The following KCND3 variants were observed in gnomAD, a reference collection of about 807,000 sequenced individuals.
The protein encoded by KCND3 is A-type voltage-gated potassium channel KCND3.
KCND3 carries 9 observed loss-of-function variants against 51.1 expected under a neutral mutation model. The observed-to-expected ratio is 0.18, with a 90% CI of 0.11 to 0.31. The LOEUF is 0.31. KCND3 is among the 10% of genes least tolerant of loss of function. The pLI is 1.00. For missense variants in KCND3, 526 were observed against 903.8 expected (o/e 0.58, Z 5.36); for synonymous variants, 349 against 368.0 (o/e 0.95, Z 0.59).
chr1:111,922,264 A>G (rs967105730), intron 2 of KCND3, among the ~76,000 whole-genome samples: 17 of 152,210 alleles, frequency 1.1e-4, no homozygotes, highest in South Asian at 2.1e-4. Context: ...CTTGGACTCA[A>G]GGTAAAACTG....
At chr1:111,950,719 G>A (rs890574987) in intron 2 of KCND3, among the ~76,000 whole-genome samples, 3 of 152,332 alleles carry the variant, frequency 2.0e-5, no homozygotes, top group African/African-American at 7.2e-5. Context: ...GTCTAAGGAA[G>A]AGCCCTTCCT....
intron 2 of KCND3, among the ~76,000 whole-genome samples, chr1:111,965,886 C>T (rs1673956094): frequency 6.6e-6 from 1 of 152,174 alleles, no homozygotes; most frequent in Non-Finnish European, 1.5e-5. Context: ...CGGTATATGT[C>T]CACTGAGCCC....
intron 2 of KCND3, among the ~76,000 whole-genome samples, chr1:111,844,159 G>A (rs1667449408): frequency 6.6e-6 from 1 of 152,038 alleles, no homozygotes; most frequent in African/African-American, 2.4e-5. Context: ...ATTTTAAAAC[G>A]ACCTGTGACA....
At chr1:111,855,834 T>C (rs1276854460) in intron 2 of KCND3, among the ~76,000 whole-genome samples, 1 of 152,096 alleles carries the variant, frequency 6.6e-6, no homozygotes, top group African/African-American at 2.4e-5. Flanking sequence ...GAAAGTAAAG[T>C]GGCACTGTCA....
At chr1:111,866,060 A>G (rs1668550607) in intron 2 of KCND3, among the ~76,000 whole-genome samples, 2 of 152,006 alleles carry the variant, frequency 1.3e-5, no homozygotes, top group South Asian at 2.1e-4. Context: ...GGCGCAGATT[A>G]ATTTTTAAAT....
intron 2 of KCND3, among the ~76,000 whole-genome samples, chr1:111,928,596 C>T (rs1671820653): frequency 6.6e-6 from 1 of 152,214 alleles, no homozygotes; most frequent in African/African-American, 2.4e-5. Context: ...GATGAACTTT[C>T]ACTCTCTGGG....
chr1:111,959,495 C>G (rs1310259312), intron 2 of KCND3, among the ~76,000 whole-genome samples: 1 of 152,160 alleles, frequency 6.6e-6, no homozygotes, highest in Non-Finnish European at 1.5e-5. Flanking sequence ...GGGTCTCTCT[C>G]CTTCCTAAAG....
chr1:111,839,072 C>G (rs1473733492), intron 2 of KCND3, among the ~76,000 whole-genome samples: 1 of 152,226 alleles, frequency 6.6e-6, no homozygotes, highest in Non-Finnish European at 1.5e-5. Flanking sequence ...AATCTATTTA[C>G]TGCTCTATCT....
chr1:111,946,205 C>T (rs1035220752), intron 2 of KCND3, among the ~76,000 whole-genome samples: 2 of 152,132 alleles, frequency 1.3e-5, no homozygotes, highest in African/African-American at 4.8e-5. Flanking sequence ...AGTGGACACA[C>T]AAAGCAGGAG....
chr1:111,848,133 C>T (rs1303769519), intron 2 of KCND3, among the ~76,000 whole-genome samples: 1 of 152,226 alleles, frequency 6.6e-6, no homozygotes, highest in African/African-American at 2.4e-5. Context: ...TTGTCTCGAG[C>T]AGCTCGCTCA....
intron 3 of KCND3, 38 bp downstream of exon 3, chr1:111,786,906 C>T (rs1226477700): frequency 1.2e-6 from 2 of 1,612,792 alleles, no homozygotes; most frequent in African/African-American, 1.3e-5. Context: ...CCCCCGCATC[C>T]TTTACACTGC....
chr1:111,827,587 C>T (rs747927433), intron 2 of KCND3, among the ~76,000 whole-genome samples: 12 of 152,142 alleles, frequency 7.9e-5, no homozygotes, highest in Admixed American at 2.0e-4. Context: ...ACATGCCAAG[C>T]GCTGGACTAA....
chr1:111,893,461 G>C (rs1669945880), intron 2 of KCND3, among the ~76,000 whole-genome samples: 2 of 152,180 alleles, frequency 1.3e-5, no homozygotes, highest in Non-Finnish European at 2.9e-5. Context: ...CGGGACTATT[G>C]AGTGCCAGGC....
intron 2 of KCND3, among the ~76,000 whole-genome samples, chr1:111,915,707 C>T (rs1489125851): frequency 2.1e-5 from 3 of 145,914 alleles, no homozygotes; most frequent in Non-Finnish European, 3.0e-5. Context: ...GAGCCGAGAT[C>T]ACGCCACTGC....
intron 2 of KCND3, among the ~76,000 whole-genome samples, chr1:111,873,982 G>T (rs1668942269): frequency 6.6e-6 from 1 of 152,078 alleles, no homozygotes; most frequent in South Asian, 2.1e-4. Flanking sequence ...TACCCAGGTG[G>T]ATTACACACT....
At chr1:111,975,587 G>C (rs533028055) in intron 2 of KCND3, among the ~76,000 whole-genome samples, 1 of 152,252 alleles carries the variant, frequency 6.6e-6, no homozygotes, top group East Asian at 1.9e-4. Flanking sequence ...TTTACTATCT[G>C]GCAGCCAGAG....
At chr1:111,808,642 A>G (rs1336952109) in intron 2 of KCND3, among the ~76,000 whole-genome samples, 1 of 152,216 alleles carries the variant, frequency 6.6e-6, no homozygotes, top group Admixed American at 6.5e-5. Flanking sequence ...AGCATGCACA[A>G]GCCCTCTCAG....
At position 111,774,840 on chromosome 1, in the gene KCND3, T is replaced by C. The variant is rs197421; in HGVS notation, c.*1237A>G. The C allele has an allele frequency of 0.077, 11,773 of 152,260 alleles. 1,537 individuals are homozygous for C. Among genetic ancestry groups the C allele is most frequent in the African/African-American group, 0.27 (11,135 of 41,462 alleles). 9.4% of individuals were successfully genotyped at this position (152,260 alleles called of 1,614,324 possible). A position where few individuals can be genotyped will look rare whatever the true frequency, so the allele number is the denominator to read the frequency against. ...CTCCCGGGGCCTCTTGGAAGGGCTC[T>C]GGATGGGCTTTATGGTGGGTCTTGA... is the stretch of plus-strand genomic sequence containing the variant. On this transcript the variant is annotated 3_prime_UTR_variant, in exon 8 of 8. Transcript: ENST00000302127.
intron 2 of KCND3, among the ~76,000 whole-genome samples, chr1:111,881,822 A>G (rs1669341485): frequency 6.6e-6 from 1 of 152,142 alleles, no homozygotes; most frequent in Non-Finnish European, 1.5e-5. Flanking sequence ...TTTCAGTGAT[A>G]CCCATTTTGG....
Sources: gnomAD v4.1 joint callset for allele counts (sites outside exome capture counted in the v4.1 genomes callset) on GRCh38, gnomAD v4.1.1 for gene constraint, MANE v1.5 for transcripts, NCBI Gene and HGNC (gene_info 2026-07-23, HGNC 2026-07-21) for gene names.